The following FRMD4B variants were observed in gnomAD, a reference collection of about 807,000 sequenced individuals.
FRMD4B encodes the protein FERM domain containing 4B.
Under a neutral mutation model 141.5 loss-of-function variants are expected in FRMD4B, and 74 were observed. That is an observed-to-expected ratio of 0.52 (90% CI 0.43 to 0.63). FRMD4B has a LOEUF of 0.63. Ranked by LOEUF, FRMD4B falls within the 30% of genes least tolerant of loss-of-function variation. The probability of loss-of-function intolerance (pLI) is 0.00; values close to 1 mark genes in which losing one functional copy is unlikely to be tolerated. For synonymous variants in FRMD4B, 506 were observed against 467.9 expected (o/e 1.08, Z -1.05); for missense variants, 1,366 against 1,253.4 (o/e 1.09, Z -1.36).
At chr3:69,411,078 C>T (rs917833394) in intron 2 of FRMD4B, among the ~76,000 whole-genome samples, 41 of 152,198 alleles carry the variant, frequency 2.7e-4, no homozygotes, top group South Asian at 2.1e-4. Flanking sequence ...CACCGCCATT[C>T]AGCCCTGAAT....
At chr3:69,378,334 C>T (rs539086166) in intron 1 of FRMD4B, among the ~76,000 whole-genome samples, 1 of 152,286 alleles carries the variant, frequency 6.6e-6, no homozygotes, top group East Asian at 1.9e-4. Flanking sequence ...ACATGAGCCA[C>T]TTAGAGGCCA....
intron 1 of FRMD4B, among the ~76,000 whole-genome samples, chr3:69,363,695 T>C (rs141427192): frequency 6.6e-6 from 1 of 152,130 alleles, no homozygotes; most frequent in African/African-American, 2.4e-5. Flanking sequence ...GGCCCAGCCA[T>C]GCCTATTTTC....
At chr3:69,226,605 A>T (rs1039743968) in intron 7 of FRMD4B, among the ~76,000 whole-genome samples, 2 of 152,206 alleles carry the variant, frequency 1.3e-5, no homozygotes, top group Non-Finnish European at 2.9e-5. Flanking sequence ...CAGGTGAACC[A>T]TAGGCTATGT....
At chr3:69,207,725 T>C (rs2093037493) in intron 11 of FRMD4B, among the ~76,000 whole-genome samples, 1 of 151,646 alleles carries the variant, frequency 6.6e-6, no homozygotes, top group Non-Finnish European at 1.5e-5. Context: ...GGAGAATCAC[T>C]TGAACTTGGG....
chr3:69,287,881 C>T, intron 4 of FRMD4B, 45 bp from the exon 5 acceptor site: 1 of 870,482 alleles, frequency 1.1e-6, no homozygotes, highest in Non-Finnish European at 1.8e-6. Context: ...TTATTTTCAC[C>T]TCTCAGCATT....
chr3:69,452,491 G>A (rs1459737712), intron 1 of FRMD4B, among the ~76,000 whole-genome samples: 1 of 152,208 alleles, frequency 6.6e-6, no homozygotes. Flanking sequence ...ACCCTGTCAG[G>A]ATTATGCTAG....
At chr3:69,496,531 C>A (rs1411815829) in intron 1 of FRMD4B, among the ~76,000 whole-genome samples, 1 of 150,374 alleles carries the variant, frequency 6.7e-6, no homozygotes, top group Non-Finnish European at 1.5e-5. Context: ...AGACTATAAG[C>A]CATAAGCTGT....
At chr3:69,180,246 C>CAAAAAAAAAAAAAAAAAA (rs71115658) in intron 21 of FRMD4B, among the ~76,000 whole-genome samples, 1 of 101,052 alleles carries the variant, frequency 9.9e-6, no homozygotes, top group African/African-American at 3.8e-5. Context: ...CTTGTTTCTA[C>CAAAAAAAAAAAAAAAAAA]AAAAAAAAAA....
At chr3:69,371,523 GTGGGGT>G (rs1703823472) in intron 1 of FRMD4B, among the ~76,000 whole-genome samples, 2 of 152,182 alleles carry the variant, frequency 1.3e-5, no homozygotes, top group Non-Finnish European at 2.9e-5. Context: ...CGCACTGGAG[GTGGGGT>G]TGAGAAAACA....
intron 13 of FRMD4B, chr3:69,196,609 T>C (rs2092908038): frequency 1.7e-6 from 1 of 583,856 alleles, no homozygotes; most frequent in Non-Finnish European, 3.0e-6. Flanking sequence ...TTTCTCATGG[T>C]GTGGTTCAGT....
At chr3:69,338,110 T>C (rs1214176178) in intron 1 of FRMD4B, among the ~76,000 whole-genome samples, 1 of 152,192 alleles carries the variant, frequency 6.6e-6, no homozygotes, top group Non-Finnish European at 1.5e-5. Flanking sequence ...ATATACACCA[T>C]GGAATACTCT....
At chr3:69,441,807 T>C (rs1195414240) in intron 1 of FRMD4B, among the ~76,000 whole-genome samples, 1 of 152,154 alleles carries the variant, frequency 6.6e-6, no homozygotes, top group African/African-American at 2.4e-5. Context: ...CTTTCTCCCA[T>C]ATATTAGCAG....
intron 1 of FRMD4B, among the ~76,000 whole-genome samples, chr3:69,468,688 C>A (rs1399287952): frequency 1.3e-5 from 2 of 152,170 alleles, no homozygotes; most frequent in African/African-American, 4.8e-5. Flanking sequence ...ACTGGAGCAG[C>A]TATATTTGCT....
At chr3:69,384,862 A>T (rs1244471455) in intron 1 of FRMD4B, among the ~76,000 whole-genome samples, 1 of 152,198 alleles carries the variant, frequency 6.6e-6, no homozygotes, top group African/African-American at 2.4e-5. Context: ...ATAATAAGAC[A>T]TAAATTCTAG....
At chr3:69,436,602 A>G (rs7645808) in intron 1 of FRMD4B, among the ~76,000 whole-genome samples, 4,508 of 152,306 alleles carry the variant, frequency 0.03, 229 homozygotes, top group African/African-American at 0.1. Context: ...CAGATACCCA[A>G]AAGAATTGAA....
At chr3:69,476,450 T>C (rs570032464) in intron 1 of FRMD4B, among the ~76,000 whole-genome samples, 1 of 152,340 alleles carries the variant, frequency 6.6e-6, no homozygotes, top group South Asian at 2.1e-4. Flanking sequence ...GCACCATTTA[T>C]TAAATAAGGA....
chr3:69,420,249 C>T (rs190826528), intron 2 of FRMD4B, among the ~76,000 whole-genome samples: 11 of 146,872 alleles, frequency 7.5e-5, no homozygotes, highest in South Asian at 2.1e-4. Flanking sequence ...CTGGCAGAAT[C>T]GCTTTCTAGC....
chr3:69,278,015 C>G (rs138095280), intron 5 of FRMD4B, among the ~76,000 whole-genome samples: 128 of 151,906 alleles, frequency 8.4e-4, no homozygotes, highest in African/African-American at 2.9e-3. Context: ...GCCACCTTGC[C>G]TGGCTAATTT....
intron 1 of FRMD4B, among the ~76,000 whole-genome samples, chr3:69,345,678 A>G (rs1702912529): frequency 6.6e-6 from 1 of 152,206 alleles, no homozygotes; most frequent in African/African-American, 2.4e-5. Flanking sequence ...GTTGAGCAAT[A>G]TTCGCTGTTC....
Sources: gnomAD v4.1 joint callset for allele counts (sites outside exome capture counted in the v4.1 genomes callset) on GRCh38, gnomAD v4.1.1 for gene constraint, MANE v1.5 for transcripts, NCBI Gene and HGNC (gene_info 2026-07-23, HGNC 2026-07-21) for gene names.